Variants in RBFOX1 observed in about 807,000 individuals in gnomAD.
RBFOX1 encodes RNA binding fox-1 homolog 1, also known as RNA binding protein fox-1 homolog 1.
A neutral mutation model predicts 57.7 loss-of-function variants in RBFOX1; 8 were observed. The ratio of observed to expected loss-of-function variants is 0.14; its 90% CI spans 0.08 to 0.25. RBFOX1 has a LOEUF of 0.25. Among genes scored for constraint, RBFOX1 ranks in the 10% least tolerant of loss-of-function variants. RBFOX1 has a pLI of 1.00. For synonymous variants in RBFOX1, 326 were observed against 222.4 expected (o/e 1.47, Z -4.15); for missense variants, 611 against 548.5 (o/e 1.11, Z -1.14).
At chr16:7,050,234 T>C (rs2153726348) in intron 3 of RBFOX1, among the ~76,000 whole-genome samples, 1 of 150,824 alleles carries the variant, frequency 6.6e-6, no homozygotes, top group Middle Eastern at 3.4e-3. Context: ...CTTTTCCTCT[T>C]TAGCTTCTTT....
intron 3 of RBFOX1, among the ~76,000 whole-genome samples, chr16:5,728,240 C>A (rs149813459): frequency 3.3e-5 from 5 of 152,112 alleles, no homozygotes; most frequent in African/African-American, 7.2e-5. Context: ...ACAGAAAATG[C>A]GGTGTAGATA....
chr16:6,908,847 G>A (rs11077106), intron 3 of RBFOX1, among the ~76,000 whole-genome samples: 33,261 of 151,994 alleles, frequency 0.22, 3,987 homozygotes, highest in East Asian at 0.3. Context: ...CAAGGCTATT[G>A]TGGGGACTAA....
intron 4 of RBFOX1, among the ~76,000 whole-genome samples, chr16:7,359,658 G>C (rs1281571522): frequency 6.6e-6 from 1 of 152,110 alleles, no homozygotes. Flanking sequence ...CTCTCCATCA[G>C]CAATGTCAAG....
intron 4 of RBFOX1, among the ~76,000 whole-genome samples, chr16:7,316,563 T>A (rs952735630): frequency 6.6e-6 from 1 of 152,198 alleles, no homozygotes; most frequent in Non-Finnish European, 1.5e-5. Context: ...GGTCTGCTTT[T>A]CTTCATGGAG....
intron 4 of RBFOX1, among the ~76,000 whole-genome samples, chr16:7,052,530 T>C (rs780000264): frequency 6.6e-6 from 1 of 152,210 alleles, no homozygotes; most frequent in African/African-American, 2.4e-5. Context: ...GGGCGTTTTC[T>C]GGGAGAATTT....
At chr16:6,824,227 A>G (rs750272010) in intron 3 of RBFOX1, among the ~76,000 whole-genome samples, 1 of 152,212 alleles carries the variant, frequency 6.6e-6, no homozygotes, top group African/African-American at 2.4e-5. Context: ...CAACATGGCG[A>G]AACTCCATCT....
intron 11 of RBFOX1, among the ~76,000 whole-genome samples, chr16:7,644,206 A>G (rs2063332293): frequency 6.6e-6 from 1 of 152,026 alleles, no homozygotes; most frequent in Non-Finnish European, 1.5e-5. Context: ...TATCTGAGCC[A>G]CTCTATACCT....
Position 5,995,020 on chromosome 16 carries a change from T to C in RBFOX1, c.351+127685T>C, listed in dbSNP as rs147115898. ...AGACAGGAGGAAAGGTTGGGAGATA[T>C]TTTTTTCCCCTTTCCTACAACCATG... is the stretch of plus-strand genomic sequence containing the variant. On this transcript the variant is annotated intron_variant, in intron 4 of 19. Transcript: ENST00000641259. Among the ~76,000 whole-genome samples, 386 of 152,238 alleles carry C rather than the reference T, an allele frequency of 2.5e-3. 2 individuals are homozygous for C. Among genetic ancestry groups the C allele is most frequent in the African/African-American group, 8.8e-3 (366 of 41,552 alleles).
At chr16:7,301,822 G>A (rs2096042391) in intron 4 of RBFOX1, among the ~76,000 whole-genome samples, 1 of 152,280 alleles carries the variant, frequency 6.6e-6, no homozygotes, top group East Asian at 1.9e-4. Flanking sequence ...AATGGGAAAG[G>A]GAGAGTGAGG....
intron 4 of RBFOX1, among the ~76,000 whole-genome samples, chr16:7,165,914 G>C (rs1195511323): frequency 7.2e-6 from 1 of 139,694 alleles, no homozygotes; most frequent in Admixed American, 7.5e-5. Context: ...CTTGCCCCCT[G>C]CACCCCACCG....
At chr16:6,546,995 A>T (rs1237906401) in intron 2 of RBFOX1, among the ~76,000 whole-genome samples, 1 of 152,180 alleles carries the variant, frequency 6.6e-6, no homozygotes, top group Non-Finnish European at 1.5e-5. Flanking sequence ...TCTTGACTCA[A>T]AGTGAGCTTA....
intron 10 of RBFOX1, among the ~76,000 whole-genome samples, chr16:7,611,025 A>C (rs181478166): frequency 2.0e-5 from 3 of 152,324 alleles, no homozygotes; most frequent in Admixed American, 1.3e-4. Flanking sequence ...GTATCTGCTT[A>C]AGATAGAAAG....
chr16:7,710,701 G>T lies in RBFOX1; in HGVS notation c.1150G>T (p.Ala384Ser). ...GGGTCTCGTTCTTTCTTCATTGCAGGCTAGTATATACCGAGGGGGATACAA... is the reference window on the plus strand; with the variant it reads ...GGGTCTCGTTCTTTCTTCATTGCAGTCTAGTATATACCGAGGGGGATACAA... ...DVGLVLSSLQ[A>S]SIYRGGYNRF... is the part of the protein sequence containing the mutation. Residue 384 changes from alanine to serine, a missense_variant, in exon 16 of 16, where the codon GCT becomes TCT. Physicochemically the swap from Ala to Ser is moderately conservative, Grantham distance 99. This residue lies in a region of RBFOX1 where 267 missense variants were observed against 229.1 expected (regional missense o/e 1.17). Transcript: ENST00000550418. 1 of 1,612,582 alleles carries T rather than the reference G, an allele frequency of 6.2e-7. No individual in the cohort carries two copies. The highest frequency in any genetic ancestry group is 8.5e-7 in the Non-Finnish European group (1 of 1,179,070).
chr16:7,638,322 CT>C (rs1386917770), intron 11 of RBFOX1, among the ~76,000 whole-genome samples: 1 of 152,144 alleles, frequency 6.6e-6, no homozygotes, highest in African/African-American at 2.4e-5. Flanking sequence ...GAAATTTAGG[CT>C]TGGGGGCGTT....
intron 4 of RBFOX1, among the ~76,000 whole-genome samples, chr16:7,341,594 C>G (rs761881528): frequency 3.9e-5 from 6 of 152,160 alleles, no homozygotes; most frequent in Admixed American, 2.0e-4. Context: ...TGGTCTGACA[C>G]TCAAGACAGG....
At chr16:5,361,339 A>AGGTAGTTACCCAGAGGT (rs2065545043) in intron 1 of RBFOX1, among the ~76,000 whole-genome samples, 1 of 152,096 alleles carries the variant, frequency 6.6e-6, no homozygotes, top group East Asian at 1.9e-4. Context: ...AAGTGGGCCA[A>AGGTAGTTACCCAGAGGT]CTAGGTAGTT....
At chr16:7,197,825 C>T (rs909442737) in intron 4 of RBFOX1, among the ~76,000 whole-genome samples, 1 of 152,008 alleles carries the variant, frequency 6.6e-6, no homozygotes, top group Non-Finnish European at 1.5e-5. Context: ...CACAAAAGGT[C>T]ACATGTTATT....
chr16:5,785,839 A>T (rs930911348), intron 3 of RBFOX1, among the ~76,000 whole-genome samples: 2 of 152,018 alleles, frequency 1.3e-5, no homozygotes, highest in Admixed American at 1.3e-4. Flanking sequence ...GATGTCTGCA[A>T]CTTCCTGAAA....
intron 3 of RBFOX1, chr16:6,775,957 T>G (rs2079258841): frequency 6.6e-6 from 1 of 152,208 alleles, no homozygotes; most frequent in African/African-American, 2.4e-5. Context: ...CCAGGGATTG[T>G]GTTCACAGGC....
Sources: gnomAD v4.1 joint callset for allele counts (sites outside exome capture counted in the v4.1 genomes callset) on GRCh38, gnomAD v4.1.1 for gene constraint, gnomAD v4.1.1 regional missense constraint, MANE v1.5 for transcripts, NCBI Gene and HGNC (gene_info 2026-07-23, HGNC 2026-07-21) for gene names.